IL17REL: variants seen among roughly 807,000 people sequenced by gnomAD.
The protein encoded by IL17REL is interleukin 17 receptor E like.
In IL17REL, 36 loss-of-function variants were observed where a neutral mutation model predicts 49.0. The ratio of observed to expected loss-of-function variants is 0.73; its 90% CI spans 0.56 to 0.97. IL17REL has a LOEUF of 0.97. Ranked by LOEUF, IL17REL falls within the 50% of genes least tolerant of loss-of-function variation. The probability of loss-of-function intolerance (pLI) is 0.00; values close to 1 mark genes in which losing one functional copy is unlikely to be tolerated. For missense variants in IL17REL, 470 were observed against 453.9 expected, an observed-to-expected ratio of 1.04 and a Z score of -0.32; for synonymous variants, 206 against 192.4, an observed-to-expected ratio of 1.07 and a Z score of -0.58.
exon 8 of IL17REL, chr22:49,998,285 C>G: frequency 6.2e-7 from 1 of 1,609,246 alleles, no homozygotes; most frequent in Non-Finnish European, 8.5e-7. Flanking sequence ...GACCGTGTCC[C>G]ACAGCACCTC....
In IL17REL at chr22:49,999,438, C is replaced by CA. The variant is rs780467586; in HGVS notation, c.538dup (p.Cys180LeufsTer10). 5.0e-6 allele frequency: 8 copies of CA among 1,612,232 alleles called. No individual in the cohort carries two copies. The African/African-American group carries it at 9.4e-5, about 19-fold the overall frequency. ...GGCCACACCTCCACCGACCTCCAGG[C>CA]ACAGGCACGGCAGCTCCTGGCTGTA... On this transcript the variant is annotated frameshift_variant, in exon 6 of 13. Coordinates refer to ENST00000341280, the Ensembl canonical transcript of IL17REL. LOFTEE classifies it high-confidence loss of function.
intron 1 of IL17REL, among the ~76,000 whole-genome samples, chr22:50,008,173 A>G (rs939489673): frequency 6.6e-5 from 10 of 152,212 alleles, no homozygotes; most frequent in African/African-American, 1.9e-4. Flanking sequence ...TTATTTCTAC[A>G]TGGAGGCTTT....
upstream of IL17REL, among the ~76,000 whole-genome samples, chr22:50,010,981 C>T (rs2061137830): frequency 6.7e-6 from 1 of 150,194 alleles, no homozygotes; most frequent in African/African-American, 2.5e-5. Flanking sequence ...TGCGGCCCAG[C>T]CTCCCGCCGT....
chr22:49,997,257 T>C, intron 11 of IL17REL, 63 bp downstream of exon 13: 1 of 1,525,362 alleles, frequency 6.6e-7, no homozygotes, highest in Non-Finnish European at 9.0e-7. Context: ...CACAGGGAAG[T>C]GATGGGGTCC....
downstream of IL17REL, among the ~76,000 whole-genome samples, chr22:49,993,045 G>A (rs983911922): frequency 1.7e-4 from 26 of 152,212 alleles, no homozygotes; most frequent in African/African-American, 6.3e-4. This position sits in a 1 kb window ranked among gnomAD's most constrained non-coding sequence, Gnocchi z 6.0. Flanking sequence ...TCTCTCTCAT[G>A]CAAAGGTCAG....
At chr22:50,006,810 C>G (rs1227702020) in intron 1 of IL17REL, among the ~76,000 whole-genome samples, 1 of 151,800 alleles carries the variant, frequency 6.6e-6, no homozygotes, top group African/African-American at 2.4e-5. Flanking sequence ...AAAAAATTAC[C>G]CAGGCATGGT....
At chr22:50,006,483 G>A (rs1208614129) in intron 1 of IL17REL, among the ~76,000 whole-genome samples, 1 of 152,104 alleles carries the variant, frequency 6.6e-6, no homozygotes, top group East Asian at 1.9e-4. Flanking sequence ...ACGCTGTGGA[G>A]AGGGTGGGCC....
At chr22:49,996,855 C>A (rs1291265153) in exon 13 of IL17REL, 1 of 581,576 alleles carries the variant, frequency 1.7e-6, no homozygotes, top group African/African-American at 1.9e-5. Flanking sequence ...CATCGGTCCT[C>A]CAGCCCTGCA....
chr22:49,999,999 G>C (rs1365601348), intron 4 of IL17REL, 32 bp from the exon 7 acceptor site: 1 of 1,466,708 alleles, frequency 6.8e-7, no homozygotes, highest in African/African-American at 1.4e-5. Context: ...GGCCGCGCTG[G>C]GACCAGCGGT....
chr22:50,010,120 A>G (rs35290412), upstream of IL17REL, among the ~76,000 whole-genome samples: 24,490 of 149,978 alleles, frequency 0.16, 2,242 homozygotes, highest in Middle Eastern at 0.33. Flanking sequence ...GACCACCCCA[A>G]TAACTCCCCA....
At chr22:50,001,674 C>A (rs1156998821) in intron 1 of IL17REL, among the ~76,000 whole-genome samples, 1 of 152,274 alleles carries the variant, frequency 6.6e-6, no homozygotes, top group Non-Finnish European at 1.5e-5. Flanking sequence ...AGGGAAGCGG[C>A]CGCATCCTCA....
chr22:50,007,547 G>C (rs887614524), intron 1 of IL17REL, among the ~76,000 whole-genome samples: 4 of 144,266 alleles, frequency 2.8e-5, no homozygotes, highest in Non-Finnish European at 4.6e-5. Context: ...ATTTTTTTGG[G>C]GGGGGGATTC....
chr22:50,010,504 C>A (rs181367758), upstream of IL17REL, among the ~76,000 whole-genome samples: 1 of 152,364 alleles, frequency 6.6e-6, no homozygotes, highest in Non-Finnish European at 1.5e-5. Flanking sequence ...GGCCTCCCTC[C>A]CGCCAGGTGC....
chr22:49,997,852 A>C (rs2061046661), intron 9 of IL17REL, 110 bp from the exon 12 acceptor site: 3 of 1,390,866 alleles, frequency 2.2e-6, no homozygotes, highest in Non-Finnish European at 3.0e-6. Flanking sequence ...CTCTGGGCCC[A>C]GTTCTCCTCC....
At chr22:50,002,614 C>A (rs535273002) in intron 1 of IL17REL, among the ~76,000 whole-genome samples, 50 of 151,944 alleles carry the variant, frequency 3.3e-4, no homozygotes, top group Admixed American at 2.6e-3. Context: ...CCTGCCTCAG[C>A]CTCACGAGTA....
intron 1 of IL17REL, among the ~76,000 whole-genome samples, chr22:50,005,875 C>T (rs2061107172): frequency 1.3e-5 from 2 of 152,054 alleles, no homozygotes; most frequent in South Asian, 4.1e-4. Context: ...GACTACACTT[C>T]CCTCATATGG....
At chr22:49,993,671 G>A (rs2061017409), downstream of IL17REL, among the ~76,000 whole-genome samples, 1 of 152,168 alleles carries the variant, frequency 6.6e-6, no homozygotes, top group South Asian at 2.1e-4. The surrounding 1 kb of genome is among the most constrained non-coding windows in gnomAD (Gnocchi z 6.0). Context: ...CCCATCTGCA[G>A]AAGAAAAGAC....
intron 1 of IL17REL, among the ~76,000 whole-genome samples, chr22:50,003,044 T>G: frequency 6.6e-6 from 1 of 152,110 alleles, no homozygotes. Flanking sequence ...CAAGTGGAGC[T>G]TGGCACACTC....
intron 7 of IL17REL, among the ~76,000 whole-genome samples, chr22:49,998,892 TGTGC>T (rs917294045): frequency 6.6e-6 from 1 of 152,012 alleles, no homozygotes; most frequent in African/African-American, 2.4e-5. Context: ...TGCATGTGTG[TGTGC>T]ATGTGTATGG....
Sources: gnomAD v4.1 joint callset for allele counts (sites outside exome capture counted in the v4.1 genomes callset) on GRCh38, gnomAD v4.1.1 for gene constraint, Gnocchi (gnomAD v3.1) non-coding constraint, MANE v1.5 for transcripts, NCBI Gene and HGNC (gene_info 2026-07-23, HGNC 2026-07-21) for gene names.